APOBR: variants seen among roughly 807,000 people sequenced by gnomAD.
The protein encoded by APOBR is apoB-48R.
In APOBR, 57 loss-of-function variants were observed where a neutral mutation model predicts 88.5. The observed-to-expected ratio is 0.64, with a 90% CI of 0.52 to 0.80. The LOEUF (loss-of-function observed/expected upper bound fraction) is 0.80. Among genes scored for constraint, APOBR ranks in the 30% least tolerant of loss-of-function variants. The pLI, the probability that APOBR is intolerant of heterozygous loss-of-function variation, is 0.00. For missense variants in APOBR, 1,443 were observed against 1,401.6 expected, an observed-to-expected ratio of 1.03 and a Z score of -0.47; for synonymous variants, 588 against 572.7, an observed-to-expected ratio of 1.03 and a Z score of -0.38.
chr16:28,498,054 T>C (rs756267676), intron 2 of APOBR, 27 bp from the exon 3 acceptor site: 30 of 1,544,918 alleles, frequency 1.9e-5, no homozygotes, highest in Non-Finnish European at 2.4e-5. Flanking sequence ...GCCGGCCCCA[T>C]GGTCCTCTGT....
At position 28,495,223 on chromosome 16, in the gene APOBR, A is replaced by C. The variant is rs28460286; in HGVS notation, c.182A>C (p.Glu61Ala). The C allele has an allele frequency of 8.1e-3, 12,599 of 1,550,554 alleles. 877 individuals are homozygous for C. The African/African-American group carries it at 0.15, about 19-fold the overall frequency. Residue 61 changes from glutamate to alanine, a missense_variant, in exon 2 of 4, where the codon GAG becomes GCG. Coordinates refer to ENST00000564831, the MANE Select transcript of APOBR (RefSeq NM_018690.4). The stretch of plus-strand genomic sequence containing the variant: ...GGAAAGACAGGGAAGATTGTAGAGG[A>C]GGAAGCCCAGGAGGACCTGGAGGGC... Reference protein sequence around the residue: ...AVGKTGKIVEEEAQEDLEGLR... With the variant: ...AVGKTGKIVEAEAQEDLEGLR...
Position 28,496,531 on chromosome 16 carries a change from A to G in APOBR, c.1490A>G (p.Glu497Gly). The change falls in exon 2 of 4, where the codon GAG (glutamate) becomes GGG (glycine). Residue 497 changes from glutamate (E) to glycine (G), a missense_variant. Physicochemically the swap from Glu to Gly is moderately conservative, Grantham distance 98. Coordinates refer to ENST00000564831, the MANE Select transcript of APOBR (RefSeq NM_018690.4). ...GTACAGGCAGAGGAGGCCCAGGAGGAGAGAGGGAGCAGCAGGGATCCAGTG... is the reference window on the plus strand; with the variant it reads ...GTACAGGCAGAGGAGGCCCAGGAGGGGAGAGGGAGCAGCAGGGATCCAGTG... ...ELVQAEEAQE[E>G]RGSSRDPVAE... 1.3e-6 allele frequency: 2 copies of G among 1,575,480 alleles called. No homozygotes were observed. Among genetic ancestry groups the G allele is most frequent in the Non-Finnish European group, 8.6e-7 (1 of 1,160,866 alleles).
chr16:28,498,432 C>G lies in APOBR; in HGVS notation c.3225-4C>G. 1 of 1,600,432 alleles carries G rather than the reference C, an allele frequency of 6.2e-7. No homozygotes were observed. Among genetic ancestry groups the G allele is most frequent in the Non-Finnish European group, 8.5e-7 (1 of 1,173,980 alleles). On this transcript the variant is annotated splice_region_variant and splice_polypyrimidine_tract_variant and intron_variant, in intron 3 of 3. Transcript: ENST00000564831. ...GTTCTCACGGGCCTGACTTCCGCCT[C>G]CAGGTTTGGCCTCGCGCACCCTGGC...
Position 28,496,363 on chromosome 16 carries a change from A to G in APOBR, c.1322A>G (p.Glu441Gly). ...LGTERTEEAA[E>G]SQTAGREAVG... Reference sequence around the variant, plus strand: ...ACTGAAAGAACAGAAGAGGCTGCTGAGAGCCAGACCGCAGGGAGGGAAGCT... The same window carrying G: ...ACTGAAAGAACAGAAGAGGCTGCTGGGAGCCAGACCGCAGGGAGGGAAGCT... Residue 441 changes from glutamate (E) to glycine (G), a missense_variant, in exon 2 of 4, where the codon GAG (glutamate) becomes GGG (glycine). Glu to Gly is a moderately conservative substitution (Grantham distance 98). Transcript: ENST00000564831. 6.3e-7 allele frequency: 1 copy of G among 1,599,246 alleles called. No individual in the cohort carries two copies. The highest frequency in any genetic ancestry group is 8.5e-7 in the Non-Finnish European group (1 of 1,172,946).
chr16:28,497,849 G>A lies in APOBR; in HGVS notation c.2808G>A (p.Glu936=), dbSNP rs372993158. ...GGRRAEAKET[E]PESLEHVRGQ... ...GGAGGGCAGAGGCCAAGGAGACTGA[G>A]CCAGAAAGCCTGGAACATGTCAGGG... The change falls in exon 2 of 4, where the codon GAG becomes GAA. Residue 936 remains glutamate (E), a synonymous_variant. Transcript: ENST00000564831. 17 of 1,610,960 alleles carry A rather than the reference G, an allele frequency of 1.1e-5. No homozygotes were observed. Among genetic ancestry groups the A allele is most frequent in the Non-Finnish European group, 1.4e-5 (17 of 1,178,700 alleles).
In APOBR at chr16:28,496,935, A is replaced by T; in HGVS notation, c.1894A>T (p.Met632Leu). The change falls in exon 2 of 4, where the codon ATG becomes TTG. Residue 632 changes from methionine to leucine, a missense_variant. Coordinates refer to ENST00000564831, the MANE Select transcript of APOBR (RefSeq NM_018690.4). Reference protein sequence around the residue: ...GAWENRTRKDMERGNTQEDAA... With the variant: ...GAWENRTRKDLERGNTQEDAA... ...CTGGGAAAACCGCACGAGAAAGGAC[A>T]TGGAGAGAGGAAATACTCAGGAGGA... The T allele has an allele frequency of 6.4e-7, 1 of 1,560,846 alleles. No homozygotes were observed. Among genetic ancestry groups the T allele is most frequent in the East Asian group, 2.4e-5 (1 of 42,368 alleles).
At position 28,497,777 on chromosome 16, in the gene APOBR, G is replaced by C; in HGVS notation, c.2736G>C (p.Glu912Asp). 1 of 1,603,896 alleles carries C rather than the reference G, an allele frequency of 6.2e-7. No homozygotes were observed. The highest frequency in any genetic ancestry group is 8.5e-7 in the Non-Finnish European group (1 of 1,175,464). Residue 912 changes from glutamate to aspartate, a missense_variant, in exon 2 of 4, where the codon GAG (glutamate) becomes GAC (aspartate). Physicochemically the swap from Glu to Asp is conservative, Grantham distance 45 (BLOSUM62 2). Coordinates refer to ENST00000564831, the MANE Select transcript of APOBR (RefSeq NM_018690.4). ...GRCGDYHPEGEAPRLLDAEGL... is the reference protein window; with the variant it reads ...GRCGDYHPEGDAPRLLDAEGL... ...GTGGGGACTACCACCCTGAGGGAGA[G>C]GCACCAAGGCTCCTTGATGCAGAGG...
rs766043920 is a variant in APOBR at position 28,498,418 on chromosome 16, C to T, written c.3225-18C>T. 5.0e-6 allele frequency: 8 copies of T among 1,599,334 alleles called. No individual in the cohort carries two copies. The Admixed American group carries it at 1.2e-4, about 24-fold the overall frequency. ...GCACCTGGGAACCTGTTCTCACGGGCCTGACTTCCGCCTCCAGGTTTGGCC... is the reference window on the plus strand; with the variant it reads ...GCACCTGGGAACCTGTTCTCACGGGTCTGACTTCCGCCTCCAGGTTTGGCC... On this transcript the variant is annotated intron_variant, in intron 3 of 3. Transcript: ENST00000564831.
chr16:28,498,486 G>A lies in APOBR; in HGVS notation c.3275G>A (p.Gly1092Asp). The A allele has an allele frequency of 6.3e-7, 1 of 1,599,474 alleles. No homozygotes were observed. Among genetic ancestry groups the A allele is most frequent in the Non-Finnish European group, 8.5e-7 (1 of 1,173,618 alleles). Residue 1092 changes from glycine to aspartate, a missense_variant, in exon 4 of 4, where the codon GGC (glycine) becomes GAC (aspartate). Coordinates refer to ENST00000564831, the MANE Select transcript of APOBR (RefSeq NM_018690.4). ...GMMQELQARLGRPKPQ is the reference protein window; with the variant it reads ...GMMQELQARLDRPKPQ ...ATGCAGGAGCTGCAAGCCCGTCTGG[G>A]CCGGCCTAAGCCCCAGTGACTGAGA...
At position 28,496,095 on chromosome 16, in the gene APOBR, G is replaced by C; in HGVS notation, c.1054G>C (p.Glu352Gln). ...GGAGGCTGGGACAGCCTCAGGAGGG[G>C]AGGAGGCCGGGACAGCCTCAGGAGG... The part of the protein sequence containing the change: ...GGEAGTASGG[E>Q]EAGTASGGEE... The change falls in exon 2 of 4, where the codon GAG (glutamate) becomes CAG (glutamine). Residue 352 changes from glutamate to glutamine, a missense_variant. Glu to Gln is a conservative substitution (Grantham distance 29). Coordinates refer to ENST00000564831, the MANE Select transcript of APOBR (RefSeq NM_018690.4). The C allele has an allele frequency of 1.3e-6, 1 of 752,008 alleles. No homozygotes were observed. Among genetic ancestry groups the C allele is most frequent in the South Asian group, 1.9e-5 (1 of 52,778 alleles). 46.6% of individuals were successfully genotyped at this position (752,008 alleles called of 1,614,324 possible).
rs1174059544 is a variant in APOBR, at chr16:28,497,091, C to T, written c.2050C>T (p.Gln684Ter). 1.9e-6 allele frequency: 3 copies of T among 1,598,444 alleles called. No individual in the cohort carries two copies. The highest frequency in any genetic ancestry group is 2.6e-6 in the Non-Finnish European group (3 of 1,173,010). The part of the protein sequence containing the change: ...PEAGGEGLTT[Q>*]DAGCGTEEGE... ...GGCAGGCGGGGAGGGGCTGACAACC[C>T]AGGACGCGGGATGTGGAACTGAGGA... The change falls in exon 2 of 4, where the codon CAG becomes TAG. Residue 684 changes from glutamine to a stop codon, truncating the protein, a stop_gained. Transcript: ENST00000564831. LOFTEE classifies it high-confidence loss of function.
chr16:28,498,031 G>T, intron 2 of APOBR, 35 bp downstream of exon 2: 1 of 1,550,734 alleles, frequency 6.4e-7, no homozygotes, highest in Non-Finnish European at 8.7e-7. Flanking sequence ...GGGGGAACGA[G>T]TGGAATCCCG....
In APOBR at chr16:28,494,677, A is replaced by T; in HGVS notation, c.-5A>T. On this transcript the variant is annotated 5_prime_UTR_variant, in exon 1 of 4. Transcript: ENST00000564831. Reference sequence around the variant, plus strand: ...TTTCTGGACACACAGACAGAGACAGACAGGATGGACTTCCTCCGGCTATAC... The same window carrying T: ...TTTCTGGACACACAGACAGAGACAGTCAGGATGGACTTCCTCCGGCTATAC... 1 of 1,611,698 alleles carries T rather than the reference A, an allele frequency of 6.2e-7. No homozygotes were observed. Among genetic ancestry groups the T allele is most frequent in the Non-Finnish European group, 8.5e-7 (1 of 1,178,582 alleles).
Position 28,497,036 on chromosome 16 carries a change from C to G in APOBR, c.1995C>G (p.Asp665Glu), listed in dbSNP as rs1382505543. 6.3e-7 allele frequency: 1 copy of G among 1,584,436 alleles called. No homozygotes were observed. The highest frequency in any genetic ancestry group is 8.6e-7 in the Non-Finnish European group (1 of 1,166,092). Residue 665 changes from aspartate (D) to glutamate (E), a missense_variant, in exon 2 of 4, where the codon GAC (aspartate) becomes GAG (glutamate). Physicochemically the swap from Asp to Glu is conservative, Grantham distance 45 (BLOSUM62 2). Coordinates refer to ENST00000564831, the MANE Select transcript of APOBR (RefSeq NM_018690.4). ...CCCTGGCGGCTGAGGCTGAAGGAGACCGAGAGTCTGAACTATCAGAAGTCC... is the reference window on the plus strand; with the variant it reads ...CCCTGGCGGCTGAGGCTGAAGGAGAGCGAGAGTCTGAACTATCAGAAGTCC... ...GQTLAAEAEGDRESELSEVPE... is the reference protein window; with the variant it reads ...GQTLAAEAEGERESELSEVPE...
At position 28,497,112 on chromosome 16, in the gene APOBR, G is replaced by C; in HGVS notation, c.2071G>C (p.Glu691Gln). 1 of 1,604,486 alleles carries C rather than the reference G, an allele frequency of 6.2e-7. No individual in the cohort carries two copies. Among genetic ancestry groups the C allele is most frequent in the Non-Finnish European group, 8.5e-7 (1 of 1,175,854 alleles). ...LTTQDAGCGT[E>Q]EGEASVSENQ... ...AACCCAGGACGCGGGATGTGGAACT[G>C]AGGAGGGAGAGGCATCTGTCTCAGA... The change falls in exon 2 of 4, where the codon GAG becomes CAG. Residue 691 changes from glutamate to glutamine, a missense_variant. By Grantham distance (29) the Glu-to-Gln change is conservative. Transcript: ENST00000564831.
At position 28,495,204 on chromosome 16, in the gene APOBR, A is replaced by G; in HGVS notation, c.163A>G (p.Thr55Ala). The change falls in exon 2 of 4, where the codon ACA becomes GCA. Residue 55 changes from threonine (T) to alanine (A), a missense_variant. By Grantham distance (58) the Thr-to-Ala change is moderately conservative. Transcript: ENST00000564831. Reference sequence around the variant, plus strand: ...ACTGGGGGTGGTGGCGGTGGGAAAGACAGGGAAGATTGTAGAGGAGGAAGC... The same window carrying G: ...ACTGGGGGTGGTGGCGGTGGGAAAGGCAGGGAAGATTGTAGAGGAGGAAGC... ...EELGVVAVGK[T>A]GKIVEEEAQE... The G allele has an allele frequency of 1.3e-6, 2 of 1,564,768 alleles. No individual in the cohort carries two copies. Among genetic ancestry groups the G allele is most frequent in the Non-Finnish European group, 1.7e-6 (2 of 1,157,972 alleles).
In APOBR at chr16:28,496,974, G is replaced by A. The variant is rs754869005; in HGVS notation, c.1933G>A (p.Glu645Lys). Residue 645 changes from glutamate (E) to lysine (K), a missense_variant, in exon 2 of 4, where the codon GAG becomes AAG. By Grantham distance (56) the Glu-to-Lys change is moderately conservative (BLOSUM62 1). Coordinates refer to ENST00000564831, the MANE Select transcript of APOBR (RefSeq NM_018690.4). ...TACTCAGGAGGATGCGGCCGATGGC[G>A]AGCAGCGGGAGGAGGAGGAGACTGC... ...GNTQEDAADG[E>K]QREEEETAGG... 63 of 1,559,296 alleles carry A rather than the reference G, an allele frequency of 4.0e-5. No individual in the cohort carries two copies. The Admixed American group carries it at 4.1e-4, about 10-fold the overall frequency.
In APOBR at chr16:28,496,624, C is replaced by A; in HGVS notation, c.1583C>A (p.Pro528His). Residue 528 changes from proline (P) to histidine (H), a missense_variant, in exon 2 of 4, where the codon CCT becomes CAT. Physicochemically the swap from Pro to His is moderately conservative, Grantham distance 77. Transcript: ENST00000564831. ...TTGGAGGCAACTCCAGAGGCCAGGCCTGAGGAGGAGCTCACAGGGGAGGAG... is the reference window on the plus strand; with the variant it reads ...TTGGAGGCAACTCCAGAGGCCAGGCATGAGGAGGAGCTCACAGGGGAGGAG... ...ADLEATPEAR[P>H]EEELTGEESE... 1 of 1,590,042 alleles carries A rather than the reference C, an allele frequency of 6.3e-7. No individual in the cohort carries two copies. The highest frequency in any genetic ancestry group is 8.6e-7 in the Non-Finnish European group (1 of 1,166,938).
Position 28,496,133 on chromosome 16 carries a change from G to T in APOBR, c.1092G>T (p.Gly364=), listed in dbSNP as rs766013034. The change falls in exon 2 of 4, where the codon GGG becomes GGT. Residue 364 remains glycine (G), a synonymous_variant. Transcript: ENST00000564831. ...CAGCCTCAGGAGGGGAGGAGGCCGG[G>T]ACAGCCTCAGGAGGGGACGAGGCCT... is the stretch of plus-strand genomic sequence containing the variant. The part of the protein sequence containing the change: ...AGTASGGEEA[G]TASGGDEAWT... 2 of 1,531,840 alleles carry T rather than the reference G, an allele frequency of 1.3e-6. No homozygotes were observed. Among genetic ancestry groups the T allele is most frequent in the East Asian group, 4.5e-5 (2 of 44,346 alleles). 94.9% of individuals were successfully genotyped at this position (1,531,840 alleles called of 1,614,324 possible). A position where few individuals can be genotyped will look rare whatever the true frequency, so the allele number is the denominator to read the frequency against.
Sources: gnomAD v4.1 joint callset for allele counts on GRCh38, gnomAD v4.1.1 for gene constraint, MANE v1.5 for transcripts, NCBI Gene and HGNC (gene_info 2026-07-23, HGNC 2026-07-21) for gene names.